DLGAP2: variants seen among roughly 807,000 people sequenced by gnomAD.
The protein encoded by DLGAP2 is DLG associated protein 2.
In DLGAP2, 26 loss-of-function variants were observed where a neutral mutation model predicts 100.3. The observed-to-expected ratio is 0.26, with a 90% CI of 0.19 to 0.36. The LOEUF (loss-of-function observed/expected upper bound fraction) is 0.36, where lower values mean the gene tolerates loss of function less well. DLGAP2 is among the 10% of genes least tolerant of loss of function. DLGAP2 has a pLI of 1.00. For synonymous variants in DLGAP2, 886 were observed against 630.1 expected (o/e 1.41, Z -6.08); for missense variants, 1,858 against 1,453.2 (o/e 1.28, Z -4.53).
intron 2 of DLGAP2, among the ~76,000 whole-genome samples, chr8:1,182,336 C>T (rs1797407619): frequency 6.6e-6 from 1 of 152,250 alleles, no homozygotes; most frequent in African/African-American, 2.4e-5. Flanking sequence ...ACACACACAA[C>T]ATCCGTGTGG....
chr8:1,315,571 G>A (rs1243581619), intron 3 of DLGAP2, among the ~76,000 whole-genome samples: 3 of 143,908 alleles, frequency 2.1e-5, no homozygotes, highest in Admixed American at 6.9e-5. Context: ...AATAGAGCCT[G>A]TACGAGTGCA....
At chr8:1,603,416 C>A (rs113680807) in intron 6 of DLGAP2, among the ~76,000 whole-genome samples, 1 of 142,006 alleles carries the variant, frequency 7.0e-6, no homozygotes, top group Non-Finnish European at 1.6e-5. Flanking sequence ...AGAGTGGAGG[C>A]TGGGTCTCAG....
At chr8:1,596,343 G>A (rs893974561) in intron 6 of DLGAP2, among the ~76,000 whole-genome samples, 2 of 152,180 alleles carry the variant, frequency 1.3e-5, no homozygotes, top group African/African-American at 2.4e-5. Context: ...ACATGTGCAT[G>A]TGTCTTTATA....
intron 2 of DLGAP2, among the ~76,000 whole-genome samples, chr8:933,098 C>A (rs1203794813): frequency 6.6e-6 from 1 of 152,268 alleles, no homozygotes; most frequent in African/African-American, 2.4e-5. Flanking sequence ...CCCGTCCGTT[C>A]CTGCAGAACC....
chr8:1,148,785 A>C (rs1444732395), intron 2 of DLGAP2, among the ~76,000 whole-genome samples: 2 of 152,164 alleles, frequency 1.3e-5, no homozygotes, highest in African/African-American at 2.4e-5. Context: ...ATATATTCTG[A>C]ATGTATTTTA....
intron 1 of DLGAP2, among the ~76,000 whole-genome samples, chr8:834,598 T>C (rs1267689561): frequency 6.6e-6 from 1 of 152,190 alleles, no homozygotes. Flanking sequence ...TTTAAAACAC[T>C]CTGTCTTCCT....
intron 2 of DLGAP2, chr8:1,246,927 G>GATCAGTGTGGGAC (rs1798917032): frequency 7.5e-6 from 1 of 133,934 alleles, no homozygotes; most frequent in African/African-American, 3.2e-5. Context: ...CAGTGTGGGA[G>GATCAGTGTGGGAC]TGATGGTCCA....
chr8:1,127,217 G>A (rs2129048540), intron 2 of DLGAP2, among the ~76,000 whole-genome samples: 1 of 151,472 alleles, frequency 6.6e-6, no homozygotes, highest in East Asian at 2.0e-4. Flanking sequence ...CCTCTTGCAG[G>A]GTTGCTGTGG....
At chr8:1,240,057 C>CGTGTCTAGTTCTCTCACATAGCGCA (rs1563273503) in intron 2 of DLGAP2, among the ~76,000 whole-genome samples, 1 of 140,186 alleles carries the variant, frequency 7.1e-6, no homozygotes, top group African/African-American at 2.5e-5. Context: ...CACATGGCGC[C>CGTGTCTAGTTCTCTCACATAGCGCA]GTGTCTAGTT....
At chr8:785,567 C>T (rs1187094331) in intron 1 of DLGAP2, among the ~76,000 whole-genome samples, 1 of 138,994 alleles carries the variant, frequency 7.2e-6, no homozygotes, top group Non-Finnish European at 1.6e-5. Flanking sequence ...GACCGGCCTC[C>T]CTCCCCTCAG....
intron 3 of DLGAP2, among the ~76,000 whole-genome samples, chr8:1,392,587 A>G (rs1796390974): frequency 6.6e-6 from 1 of 152,180 alleles, no homozygotes; most frequent in African/African-American, 2.4e-5. Context: ...TCTGCTTGTT[A>G]TCATATTAAC....
chr8:1,262,559 A>G (rs931329251), intron 3 of DLGAP2: 1 of 152,128 alleles, frequency 6.6e-6, no homozygotes, highest in Non-Finnish European at 1.5e-5. Context: ...CCTGATAATA[A>G]TAATAAATTT....
Position 1,565,966 on chromosome 8 carries a change from T to G in DLGAP2, c.1442+72T>G, listed in dbSNP as rs984158602. 3.7e-6 allele frequency: 5 copies of G among 1,353,052 alleles called. No homozygotes were observed. The African/African-American group carries it at 7.3e-5, about 20-fold the overall frequency. 83.8% of individuals were successfully genotyped at this position (1,353,052 alleles called of 1,614,324 possible). On this transcript the variant is annotated intron_variant, in intron 6 of 14. Transcript: ENST00000637795. ...CTGCGAGCTCCCTCTCCAAAACCAC[T>G]TCACCGTGAGCTGAGTGCCATCCAT...
chr8:1,289,501 C>A (rs564474672), intron 3 of DLGAP2, among the ~76,000 whole-genome samples: 1 of 152,190 alleles, frequency 6.6e-6, no homozygotes, highest in Admixed American at 6.5e-5. Flanking sequence ...GTAAGACTCA[C>A]GTGCGGGGAT....
intron 2 of DLGAP2, among the ~76,000 whole-genome samples, chr8:1,182,857 G>A (rs867734867): frequency 6.6e-6 from 1 of 152,218 alleles, no homozygotes; most frequent in African/African-American, 2.4e-5. Flanking sequence ...CAGCCTGTGG[G>A]ATCGGCAGCA....
chr8:1,364,229 A>C (rs1802054381), intron 3 of DLGAP2, among the ~76,000 whole-genome samples: 1 of 152,182 alleles, frequency 6.6e-6, no homozygotes, highest in South Asian at 2.1e-4. Context: ...GCTGGATCCC[A>C]GCTGTGGGTT....
At chr8:1,587,988 T>C (rs796175483) in intron 6 of DLGAP2, among the ~76,000 whole-genome samples, 5 of 152,340 alleles carry the variant, frequency 3.3e-5, no homozygotes, top group African/African-American at 9.6e-5. Flanking sequence ...ACACGTGCAT[T>C]CCTGCCCCAT....
rs376194801 is a variant in DLGAP2, at chr8:1,458,488, G to A, written c.107-42878G>A. On this transcript the variant is annotated intron_variant, in intron 3 of 14. Transcript: ENST00000637795. ...CCTTCACAAATGCCATCTTCCTATG[G>A]TTCAACCTGACATATTTAGACAGGC... Among the ~76,000 whole-genome samples the A allele has an allele frequency of 7.9e-5, 12 of 152,150 alleles. 1 individual carries two copies. In the East Asian group the frequency reaches 2.3e-3, roughly 29 times the overall value.
intron 2 of DLGAP2, among the ~76,000 whole-genome samples, chr8:951,484 C>T (rs752712351): frequency 2.0e-5 from 3 of 152,222 alleles, no homozygotes; most frequent in Non-Finnish European, 2.9e-5. Context: ...CTCCTGACCT[C>T]AGGTGATCTG....
Sources: allele counts gnomAD v4.1 joint callset (sites outside exome capture counted in the v4.1 genomes callset), GRCh38; gene constraint gnomAD v4.1.1; transcripts MANE v1.5; gene names NCBI Gene and HGNC (gene_info 2026-07-23, HGNC 2026-07-21).